DSCAM: variants seen among roughly 807,000 people sequenced by gnomAD.
DSCAM encodes cell adhesion molecule DSCAM.
Under a neutral mutation model 217.7 loss-of-function variants are expected in DSCAM, and 47 were observed. That is an observed-to-expected ratio of 0.22 (90% CI 0.17 to 0.28). DSCAM has a LOEUF of 0.28. Among genes scored for constraint, DSCAM ranks in the 10% least tolerant of loss-of-function variants. The pLI is 1.00. For synonymous variants in DSCAM, 1,056 were observed against 1,015.3 expected, an observed-to-expected ratio of 1.04 and a Z score of -0.76; for missense variants, 2,080 against 2,618.3, an observed-to-expected ratio of 0.79 and a Z score of 4.49.
intron 11 of DSCAM, among the ~76,000 whole-genome samples, chr21:40,206,241 A>G (rs2091124115): frequency 6.6e-6 from 1 of 152,228 alleles, no homozygotes; most frequent in Non-Finnish European, 1.5e-5. Flanking sequence ...TCATCCCAGT[A>G]GGTGTGTCCC....
chr21:40,516,035 G>A (rs2146073918), intron 3 of DSCAM, among the ~76,000 whole-genome samples: 1 of 152,062 alleles, frequency 6.6e-6, no homozygotes, highest in South Asian at 2.1e-4. Flanking sequence ...TTAACATCCA[G>A]TGGTAGCGTC....
At chr21:40,654,945 C>G (rs1362973623) in intron 3 of DSCAM, among the ~76,000 whole-genome samples, 4 of 152,118 alleles carry the variant, frequency 2.6e-5, no homozygotes, top group Non-Finnish European at 4.4e-5. Flanking sequence ...GATTTTCCAC[C>G]AGGGGTTAAG....
intron 11 of DSCAM, among the ~76,000 whole-genome samples, chr21:40,228,910 A>C (rs766121892): frequency 3.3e-5 from 5 of 152,136 alleles, no homozygotes; most frequent in African/African-American, 4.8e-5. Context: ...ATGTATATAC[A>C]CACATCTATG....
chr21:40,280,636 A>C (rs571939746), intron 10 of DSCAM, among the ~76,000 whole-genome samples: 3 of 152,244 alleles, frequency 2.0e-5, no homozygotes, highest in African/African-American at 7.2e-5. Flanking sequence ...TCAAAAATTC[A>C]AACAGTAAAA....
chr21:40,755,194 T>A (rs1473487085), intron 1 of DSCAM, among the ~76,000 whole-genome samples: 1 of 152,136 alleles, frequency 6.6e-6, no homozygotes, highest in Non-Finnish European at 1.5e-5. Flanking sequence ...ATGCCTGTAA[T>A]CCCAGCACTT....
At chr21:40,435,538 G>A (rs2145904298) in intron 3 of DSCAM, among the ~76,000 whole-genome samples, 1 of 100,172 alleles carries the variant, frequency 1.0e-5, no homozygotes, top group South Asian at 3.8e-4. Context: ...TTTAAAAACT[G>A]TATCTACCAA....
At chr21:40,153,865 A>G (rs1253789975) in intron 16 of DSCAM, among the ~76,000 whole-genome samples, 3 of 152,186 alleles carry the variant, frequency 2.0e-5, no homozygotes, top group South Asian at 2.1e-4. Flanking sequence ...GTTAAAAAGC[A>G]GCAACTATGC....
intron 3 of DSCAM, chr21:40,513,329 A>G (rs1241380889): frequency 6.6e-6 from 1 of 152,326 alleles, no homozygotes; most frequent in Non-Finnish European, 1.5e-5. Context: ...GAACAACAAC[A>G]ACAAAATCTA....
At chr21:40,410,747 C>G (rs1462141077) in intron 3 of DSCAM, among the ~76,000 whole-genome samples, 1 of 142,310 alleles carries the variant, frequency 7.0e-6, no homozygotes, top group Non-Finnish European at 1.6e-5. Context: ...ATATAGAATT[C>G]TCTATACAGT....
At chr21:40,264,743 A>G (rs569955452) in intron 11 of DSCAM, among the ~76,000 whole-genome samples, 2 of 152,330 alleles carry the variant, frequency 1.3e-5, no homozygotes, top group African/African-American at 4.8e-5. Context: ...GCCTCCAAAT[A>G]GGAAAAAAGG....
chr21:40,716,408 C>T (rs1023566678), intron 1 of DSCAM, among the ~76,000 whole-genome samples: 3 of 151,724 alleles, frequency 2.0e-5, no homozygotes, highest in Admixed American at 6.6e-5. Flanking sequence ...GTGAAAGTTC[C>T]TAAAAAATAA....
chr21:40,096,665 A>G (rs904959984), intron 20 of DSCAM, among the ~76,000 whole-genome samples: 2 of 152,148 alleles, frequency 1.3e-5, no homozygotes, highest in African/African-American at 4.8e-5. Context: ...TGTAGCCCGC[A>G]GAGCCAAGAT....
chr21:40,195,864 T>A (rs1040453293), intron 11 of DSCAM, among the ~76,000 whole-genome samples: 11 of 152,124 alleles, frequency 7.2e-5, no homozygotes, highest in African/African-American at 2.7e-4. Context: ...TATGAAAAAA[T>A]TTCAAACATA....
intron 1 of DSCAM, among the ~76,000 whole-genome samples, chr21:40,724,832 G>A (rs1165676934): frequency 6.6e-6 from 1 of 152,146 alleles, no homozygotes; most frequent in Non-Finnish European, 1.5e-5. Context: ...TCTTTTGCTA[G>A]AACTTCACTA....
intron 11 of DSCAM, among the ~76,000 whole-genome samples, chr21:40,262,720 T>A (rs2073470223): frequency 6.6e-6 from 1 of 152,210 alleles, no homozygotes; most frequent in African/African-American, 2.4e-5. Flanking sequence ...CCTACAAGTA[T>A]GTGACTGATG....
chr21:40,576,647 G>A (rs963065416), intron 3 of DSCAM, among the ~76,000 whole-genome samples: 31 of 152,050 alleles, frequency 2.0e-4, no homozygotes, highest in Non-Finnish European at 4.4e-4. Flanking sequence ...CAGAATGGGA[G>A]AAGACACCTG....
intron 11 of DSCAM, among the ~76,000 whole-genome samples, chr21:40,201,803 T>C (rs2091073038): frequency 6.6e-6 from 1 of 152,152 alleles, no homozygotes; most frequent in African/African-American, 2.4e-5. Context: ...TTTCCTGCCA[T>C]CAATGATAGT....
chr21:40,611,736 T>C (rs2089318075), intron 3 of DSCAM, among the ~76,000 whole-genome samples: 1 of 152,248 alleles, frequency 6.6e-6, no homozygotes, highest in South Asian at 2.1e-4. Flanking sequence ...TTCTAGGTGC[T>C]ATGCAAATAG....
intron 1 of DSCAM, among the ~76,000 whole-genome samples, chr21:40,785,299 CT>C (rs1488347036): frequency 6.6e-6 from 1 of 152,166 alleles, no homozygotes; most frequent in Non-Finnish European, 1.5e-5. Context: ...AAAATACTCC[CT>C]TGTAGAGAGC....
Sources: allele counts gnomAD v4.1 joint callset (sites outside exome capture counted in the v4.1 genomes callset), GRCh38; gene constraint gnomAD v4.1.1; transcripts MANE v1.5; gene names NCBI Gene and HGNC (gene_info 2026-07-23, HGNC 2026-07-21).